MCTP1: variants seen among roughly 807,000 people sequenced by gnomAD.
MCTP1 encodes the protein multiple C2 and transmembrane domain-containing protein 1.
In MCTP1, 69 loss-of-function variants were observed where a neutral mutation model predicts 120.6. The observed-to-expected ratio is 0.57, with a 90% CI of 0.47 to 0.70. The LOEUF (loss-of-function observed/expected upper bound fraction) is 0.70. Among genes scored for constraint, MCTP1 ranks in the 30% least tolerant of loss-of-function variants. The probability of loss-of-function intolerance (pLI) is 0.00; values close to 1 mark genes in which losing one functional copy is unlikely to be tolerated. For synonymous variants in MCTP1, 529 were observed against 493.1 expected (o/e 1.07, Z -0.96); for missense variants, 1,203 against 1,248.8 (o/e 0.96, Z 0.55).
chr5:95,253,566 G>C (rs150530531), intron 1 of MCTP1, among the ~76,000 whole-genome samples: 1 of 151,880 alleles, frequency 6.6e-6, no homozygotes, highest in African/African-American at 2.4e-5. Flanking sequence ...GCTCTTTCCC[G>C]ATGAAAATGT....
intron 1 of MCTP1, among the ~76,000 whole-genome samples, chr5:95,061,407 G>GGTTGTTTTTTTTTTT (rs749862250): frequency 1.5e-5 from 1 of 67,858 alleles, no homozygotes; most frequent in Non-Finnish European, 2.9e-5. Context: ...ACCCCTTAAG[G>GGTTGTTTTTTTTTTT]GTTTTTTTTT....
intron 1 of MCTP1, among the ~76,000 whole-genome samples, chr5:95,076,395 G>A (rs1036281704): frequency 2.1e-5 from 3 of 143,842 alleles, no homozygotes; most frequent in South Asian, 4.3e-4. Context: ...ATTAAACTTA[G>A]AAGTAATTGT....
rs1810455525 is a variant in MCTP1 at position 94,917,744 on chromosome 5, T to C, written c.1350+152A>G. 10 of 593,504 alleles carry C rather than the reference T, an allele frequency of 1.7e-5. No homozygotes were observed. The South Asian group carries it at 1.8e-4, about 11-fold the overall frequency. 36.8% of individuals were successfully genotyped at this position (593,504 alleles called of 1,614,324 possible). On this transcript the variant is annotated intron_variant, in intron 8 of 22. Transcript: ENST00000515393. ...TGTAAAGAAAGTGTTAGTTACATTA[T>C]TCCTTGAAAAAAATTAAGATTACAA... is the stretch of plus-strand genomic sequence containing the variant.
At chr5:94,986,702 G>T (rs900185634) in intron 2 of MCTP1, among the ~76,000 whole-genome samples, 2 of 152,074 alleles carry the variant, frequency 1.3e-5, no homozygotes, top group East Asian at 3.9e-4. Context: ...GTAGAGATTG[G>T]ATTTCCTCAT....
chr5:95,164,722 T>G (rs1746123965), intron 1 of MCTP1, among the ~76,000 whole-genome samples: 1 of 152,224 alleles, frequency 6.6e-6, no homozygotes, highest in African/African-American at 2.4e-5. Flanking sequence ...TTTAACTGGG[T>G]ATACTGTATT....
chr5:95,114,115 G>A (rs1466362874), intron 1 of MCTP1, among the ~76,000 whole-genome samples: 1 of 152,144 alleles, frequency 6.6e-6, no homozygotes, highest in East Asian at 1.9e-4. Context: ...GAGCCCTTGG[G>A]TCCTGAATAA....
At chr5:95,175,817 A>G (rs946805828) in intron 1 of MCTP1, among the ~76,000 whole-genome samples, 1 of 152,188 alleles carries the variant, frequency 6.6e-6, no homozygotes, top group African/African-American at 2.4e-5. Flanking sequence ...CCTCCAGCAC[A>G]TGCTTCCCCC....
chr5:94,762,616 G>A (rs143815881), intron 19 of MCTP1, among the ~76,000 whole-genome samples: 1 of 152,318 alleles, frequency 6.6e-6, no homozygotes, highest in Non-Finnish European at 1.5e-5. Context: ...AATGGGCTGT[G>A]GGTACACAAG....
intron 12 of MCTP1, among the ~76,000 whole-genome samples, chr5:94,886,347 A>G (rs1466796501): frequency 6.6e-6 from 1 of 152,202 alleles, no homozygotes; most frequent in Non-Finnish European, 1.5e-5. Flanking sequence ...ATTGATGGCT[A>G]CTTAAAAGAC....
chr5:94,902,051 G>A (rs1412794798), intron 10 of MCTP1, among the ~76,000 whole-genome samples: 7 of 152,096 alleles, frequency 4.6e-5, no homozygotes, highest in African/African-American at 1.4e-4. Context: ...GGGCTCACTC[G>A]CCTTTCCTGA....
intron 1 of MCTP1, among the ~76,000 whole-genome samples, chr5:95,279,696 C>A (rs1168068629): frequency 1.3e-5 from 2 of 152,150 alleles, no homozygotes; most frequent in Admixed American, 6.5e-5. Context: ...TAGTTCAACT[C>A]AAATTTGCCA....
intron 2 of MCTP1, among the ~76,000 whole-genome samples, chr5:94,978,442 G>T (rs1011522942): frequency 1.3e-5 from 2 of 152,016 alleles, no homozygotes; most frequent in Admixed American, 1.3e-4. Context: ...CCAAGACATA[G>T]AAGCAACCTA....
intron 1 of MCTP1, among the ~76,000 whole-genome samples, chr5:95,119,246 TACAG>T (rs966108891): frequency 6.6e-6 from 1 of 152,164 alleles, no homozygotes; most frequent in African/African-American, 2.4e-5. Flanking sequence ...TGAGGAACTA[TACAG>T]ACATACAGAA....
chr5:94,744,484 T>C (rs1766404849), intron 19 of MCTP1, among the ~76,000 whole-genome samples: 1 of 151,008 alleles, frequency 6.6e-6, no homozygotes, highest in Non-Finnish European at 1.5e-5. Flanking sequence ...GTTCTGAAAA[T>C]GGATCTCAGT....
chr5:95,230,490 T>C (rs1754809024), intron 1 of MCTP1, among the ~76,000 whole-genome samples: 4 of 152,100 alleles, frequency 2.6e-5, no homozygotes, highest in South Asian at 2.1e-4. Flanking sequence ...CCTTAAAACA[T>C]GACTTCTAGT....
chr5:94,898,066 A>G (rs1581241340), intron 10 of MCTP1, among the ~76,000 whole-genome samples: 1 of 152,228 alleles, frequency 6.6e-6, no homozygotes, highest in South Asian at 2.1e-4. Context: ...AACAATATAA[A>G]TGTATAGGGA....
At chr5:94,773,205 C>CAAT (rs1774485300) in intron 19 of MCTP1, among the ~76,000 whole-genome samples, 1 of 152,138 alleles carries the variant, frequency 6.6e-6, no homozygotes, top group East Asian at 1.9e-4. Flanking sequence ...ACATCCCTCA[C>CAAT]CCCAGATCAG....
chr5:95,094,193 G>A (rs750358325), intron 1 of MCTP1, among the ~76,000 whole-genome samples: 1 of 152,178 alleles, frequency 6.6e-6, no homozygotes, highest in Non-Finnish European at 1.5e-5. Flanking sequence ...GGTAACTGGA[G>A]TACCTTTTTA....
chr5:94,989,493 G>A (rs1213671173), intron 2 of MCTP1, among the ~76,000 whole-genome samples: 5 of 152,182 alleles, frequency 3.3e-5, no homozygotes, highest in Non-Finnish European at 7.4e-5. Flanking sequence ...CTGGCACAGA[G>A]CTTTTAAAAT....
Sources: allele counts gnomAD v4.1 joint callset (sites outside exome capture counted in the v4.1 genomes callset), GRCh38; gene constraint gnomAD v4.1.1; transcripts MANE v1.5; gene names NCBI Gene and HGNC (gene_info 2026-07-23, HGNC 2026-07-21).